The following TENM1 variants were observed in gnomAD, a reference collection of about 807,000 sequenced individuals.
TENM1 encodes the protein teneurin-1.
In TENM1, 35 loss-of-function variants were observed where a neutral mutation model predicts 174.8. That is an observed-to-expected ratio of 0.20 (90% CI 0.15 to 0.27). The LOEUF is 0.27. Ranked by LOEUF, TENM1 falls within the 10% of genes least tolerant of loss-of-function variation. The pLI is 1.00. For missense variants in TENM1, 1,633 were observed against 2,130.1 expected (o/e 0.77, Z 4.59); for synonymous variants, 781 against 798.7 (o/e 0.98, Z 0.37).
chrX:124,571,610 AAAAG>A (rs1381962325), intron 11 of TENM1, among the ~76,000 whole-genome samples: 1 of 112,038 alleles, frequency 8.9e-6, no homozygotes, highest in African/African-American at 3.2e-5. Flanking sequence ...AGAAAAAAGG[AAAAG>A]AAAGAATACA....
At chrX:124,734,483 T>C (rs893079218) in intron 4 of TENM1, among the ~76,000 whole-genome samples, 1 of 110,537 alleles carries the variant, frequency 9.0e-6, no homozygotes, top group Non-Finnish European at 1.9e-5. Flanking sequence ...AATAAATAAA[T>C]AAATACAGAA....
At chrX:124,541,369 G>A (rs2048315393) in intron 15 of TENM1, among the ~76,000 whole-genome samples, 1 of 112,358 alleles carries the variant, frequency 8.9e-6, no homozygotes, top group African/African-American at 3.2e-5. Flanking sequence ...TCTTGGTGCT[G>A]TCATCACAAG....
Position 124,565,567 on chromosome X carries a change from G to A in TENM1, c.2078-7C>T. ...CACTCCATGGTACACAGCTCTGTGG[G>A]GAATTCAAAGAAGACATATTAACAT... On this transcript the variant is annotated splice_region_variant and splice_polypyrimidine_tract_variant and intron_variant, in intron 11 of 31. Transcript: ENST00000422452. 8.9e-7 allele frequency: 1 copy of A among 1,119,816 alleles called. No homozygotes were observed. The highest frequency in any genetic ancestry group is 1.2e-6 in the Non-Finnish European group (1 of 844,330). The allele number at this position is 1,119,816 out of a possible 1,213,427, so 92.3% of individuals were successfully genotyped here. A position where few individuals can be genotyped will look rare whatever the true frequency, so the allele number is the denominator to read the frequency against.
At chrX:124,529,503 G>C (rs778851638) in intron 16 of TENM1, among the ~76,000 whole-genome samples, 2 of 111,813 alleles carry the variant, frequency 1.8e-5, no homozygotes, top group African/African-American at 6.5e-5. Context: ...TATTTTTGAT[G>C]CATTCATTTC....
At chrX:124,781,866 A>G (rs980883433) in intron 3 of TENM1, among the ~76,000 whole-genome samples, 1 of 111,528 alleles carries the variant, frequency 9.0e-6, no homozygotes, top group Non-Finnish European at 1.9e-5. Context: ...AAATCTGACT[A>G]TTTGTGACAG....
At chrX:125,108,507 G>A in the TENM1 span, among the ~76,000 whole-genome samples, 1 of 110,798 alleles carries the variant, frequency 9.0e-6, no homozygotes, top group Non-Finnish European at 1.9e-5. Context: ...GATCACCTGA[G>A]GTCAGGAGTT....
intron 4 of TENM1, among the ~76,000 whole-genome samples, chrX:124,711,662 T>G (rs754411709): frequency 2.7e-5 from 3 of 111,351 alleles, no homozygotes; most frequent in Non-Finnish European, 5.6e-5. Context: ...AGAATTTAGG[T>G]ATTTTTTTAA....
chrX:124,871,867 A>G (rs997605558), intron 3 of TENM1, among the ~76,000 whole-genome samples: 30 of 110,038 alleles, frequency 2.7e-4, no homozygotes, highest in African/African-American at 1.0e-3. Flanking sequence ...CCCCGTCTCT[A>G]CTAAAAATAC....
At chrX:125,161,974 G>A in the TENM1 span, among the ~76,000 whole-genome samples, 2 of 111,898 alleles carry the variant, frequency 1.8e-5, no homozygotes, top group African/African-American at 6.5e-5. Flanking sequence ...CTAAGGAAGA[G>A]TGATGTGACC....
Position 124,645,348 on chromosome X carries a change from G to A in TENM1, c.1682-11C>T. 2 of 1,197,091 alleles carry A rather than the reference G, an allele frequency of 1.7e-6. No individual in the cohort carries two copies. The highest frequency in any genetic ancestry group is 2.3e-6 in the Non-Finnish European group (2 of 885,337). ...GCACAGGGCAGGAATCTGAAGGTTG[G>A]CAAATGAACTTGTAATGTTCTCATA... On this transcript the variant is annotated splice_polypyrimidine_tract_variant and intron_variant, in intron 9 of 31. Coordinates refer to ENST00000422452, the Ensembl canonical transcript of TENM1.
chrX:125,001,974 A>C, the TENM1 span, among the ~76,000 whole-genome samples: 3 of 101,579 alleles, frequency 3.0e-5, no homozygotes, highest in Admixed American at 1.1e-4. Context: ...CACACACACA[A>C]GATCAAGTCA....
In TENM1 at chrX:124,710,522, C is replaced by T. The variant is rs137997706; in HGVS notation, c.777-5271G>A. ...GACAGAGAATTGTTGGCTATTATGA[C>T]GGCAATTACAAGAATAATCAATATC... On this transcript the variant is annotated intron_variant, in intron 4 of 31. Transcript: ENST00000422452. 6.8e-3 allele frequency among the ~76,000 whole-genome samples: 755 copies of T among 111,763 alleles called. 3 individuals carry two copies. The highest frequency in any genetic ancestry group is 0.023 in the African/African-American group (694 of 30,775).
At chrX:124,583,028 G>A (rs780035456) in intron 11 of TENM1, among the ~76,000 whole-genome samples, 1 of 112,570 alleles carries the variant, frequency 8.9e-6, no homozygotes, top group Admixed American at 9.3e-5. Flanking sequence ...CAAAGCAGCT[G>A]GGAAGCTCGA....
intron 5 of TENM1, among the ~76,000 whole-genome samples, chrX:124,674,144 A>G (rs746877993): frequency 4.6e-5 from 5 of 109,245 alleles, no homozygotes; most frequent in Admixed American, 2.0e-4. Context: ...ATGAAAAGTC[A>G]TATATGCACA....
intron 15 of TENM1, among the ~76,000 whole-genome samples, chrX:124,540,071 C>T: frequency 8.9e-6 from 1 of 112,251 alleles, no homozygotes; most frequent in East Asian, 2.8e-4. Flanking sequence ...ATCTGATGTT[C>T]CATGATCCAT....
intron 3 of TENM1, among the ~76,000 whole-genome samples, chrX:124,867,482 G>C (rs1261264453): frequency 1.8e-5 from 2 of 111,869 alleles, no homozygotes; most frequent in Non-Finnish European, 3.8e-5. Context: ...ATAGAAGAAA[G>C]ATATCCCAAC....
At chrX:124,681,186 A>G (rs374459387) in intron 5 of TENM1, among the ~76,000 whole-genome samples, 20 of 111,869 alleles carry the variant, frequency 1.8e-4, no homozygotes, top group African/African-American at 5.8e-4. Flanking sequence ...AAACCCTGTC[A>G]TTAACTTATT....
the TENM1 span, among the ~76,000 whole-genome samples, chrX:125,113,889 C>T: frequency 2.7e-5 from 3 of 111,147 alleles, no homozygotes; most frequent in African/African-American, 9.8e-5. Context: ...AGGACTTGAA[C>T]TCGGCTCTGG....
the TENM1 span, among the ~76,000 whole-genome samples, chrX:125,134,274 A>G: frequency 8.9e-6 from 1 of 112,145 alleles, no homozygotes; most frequent in African/African-American, 3.2e-5. Context: ...CAAATACAAG[A>G]GAAAGGCTGT....
Sources: gnomAD v4.1 joint callset for allele counts (sites outside exome capture counted in the v4.1 genomes callset) on GRCh38, gnomAD v4.1.1 for gene constraint, MANE v1.5 for transcripts, NCBI Gene and HGNC (gene_info 2026-07-23, HGNC 2026-07-21) for gene names.